IL15: variants seen among roughly 807,000 people sequenced by gnomAD.
The protein encoded by IL15 is interleukin-15.
Under a neutral mutation model 19.6 loss-of-function variants are expected in IL15, and 11 were observed. The observed-to-expected ratio is 0.56, with a 90% CI of 0.35 to 0.93. IL15 has a LOEUF of 0.93. Ranked by LOEUF, IL15 falls within the 40% of genes least tolerant of loss-of-function variation. The probability of loss-of-function intolerance (pLI) is 0.01; values close to 1 mark genes in which losing one functional copy is unlikely to be tolerated. For synonymous variants in IL15, 58 were observed against 59.6 expected, an observed-to-expected ratio of 0.97 and a Z score of 0.12; for missense variants, 197 against 186.5, an observed-to-expected ratio of 1.06 and a Z score of -0.33.
At chr4:141,645,828 T>G (rs1316911725) in intron 1 of IL15, among the ~76,000 whole-genome samples, 1 of 152,080 alleles carries the variant, frequency 6.6e-6, no homozygotes, top group Non-Finnish European at 1.5e-5. Context: ...TTCTGGCTGT[T>G]GTCTGGGCTC....
At chr4:141,690,704 C>G (rs566542310) in intron 2 of IL15, among the ~76,000 whole-genome samples, 6 of 152,204 alleles carry the variant, frequency 3.9e-5, no homozygotes, top group Non-Finnish European at 5.9e-5. Flanking sequence ...CAAATTCGAT[C>G]ATGCCATTAC....
intron 1 of IL15, chr4:141,637,210 G>A (rs1206502479): frequency 6.6e-6 from 1 of 152,344 alleles, no homozygotes; most frequent in South Asian, 2.1e-4. Flanking sequence ...TCAAGCTCAG[G>A]AAGGCCAAGA....
At chr4:141,686,936 G>A (rs892137406) in intron 2 of IL15, among the ~76,000 whole-genome samples, 4 of 152,074 alleles carry the variant, frequency 2.6e-5, no homozygotes, top group African/African-American at 9.7e-5. Flanking sequence ...TTTCTATAAA[G>A]AGAATAGAAA....
At chr4:141,666,548 T>C (rs1727993169) in intron 2 of IL15, among the ~76,000 whole-genome samples, 1 of 151,976 alleles carries the variant, frequency 6.6e-6, no homozygotes, top group Non-Finnish European at 1.5e-5. Flanking sequence ...TGTAAAGATT[T>C]AGTTTCACCA....
chr4:141,650,745 A>AT (rs1373377162), intron 1 of IL15, among the ~76,000 whole-genome samples: 5 of 152,000 alleles, frequency 3.3e-5, no homozygotes, highest in African/African-American at 4.8e-5. Flanking sequence ...ATATGCTGAG[A>AT]TTTTCAACCT....
At chr4:141,674,600 A>C (rs1384670321) in intron 2 of IL15, among the ~76,000 whole-genome samples, 3 of 152,140 alleles carry the variant, frequency 2.0e-5, no homozygotes, top group African/African-American at 7.2e-5. Context: ...AATAAAAAAA[A>C]AAGAAATAAA....
At chr4:141,701,867 G>T (rs576620505) in intron 2 of IL15, among the ~76,000 whole-genome samples, 1 of 152,310 alleles carries the variant, frequency 6.6e-6, no homozygotes, top group East Asian at 1.9e-4. Context: ...CTCTTTTCAT[G>T]TGTAGGAATG....
At chr4:141,705,191 T>G (rs755109407) in intron 2 of IL15, among the ~76,000 whole-genome samples, 6 of 151,926 alleles carry the variant, frequency 3.9e-5, no homozygotes, top group African/African-American at 9.7e-5. Flanking sequence ...TAGAAATCTT[T>G]CTTCTTTTTT....
At chr4:141,732,512 G>C (rs1730482922) in intron 7 of IL15, among the ~76,000 whole-genome samples, 1 of 152,168 alleles carries the variant, frequency 6.6e-6, no homozygotes, top group Non-Finnish European at 1.5e-5. Flanking sequence ...GATAGACACA[G>C]CTTATTTTTC....
chr4:141,729,790 A>G, intron 6 of IL15, 57 bp from the exon 7 acceptor site: 1 of 916,286 alleles, frequency 1.1e-6, no homozygotes, highest in Non-Finnish European at 1.7e-6. Flanking sequence ...AAATTACATC[A>G]GTATGAAAAT....
chr4:141,707,261 T>A (rs1729548748), intron 2 of IL15, among the ~76,000 whole-genome samples: 1 of 152,124 alleles, frequency 6.6e-6, no homozygotes, highest in African/African-American at 2.4e-5. Flanking sequence ...TTCTGTTTGG[T>A]TCTTTTAAAA....
intron 1 of IL15, among the ~76,000 whole-genome samples, chr4:141,650,818 C>T (rs1397856863): frequency 2.6e-5 from 4 of 151,844 alleles, no homozygotes; most frequent in Non-Finnish European, 4.4e-5. Context: ...GTCTAATCTC[C>T]GTATTTTAAA....
At chr4:141,670,002 T>G (rs1029753501) in intron 2 of IL15, among the ~76,000 whole-genome samples, 2 of 151,640 alleles carry the variant, frequency 1.3e-5, no homozygotes, top group African/African-American at 4.8e-5. Flanking sequence ...TATATAAATA[T>G]TTACATTGAA....
chr4:141,663,908 T>G (rs1012163446), intron 2 of IL15, among the ~76,000 whole-genome samples: 1 of 152,156 alleles, frequency 6.6e-6, no homozygotes, highest in Non-Finnish European at 1.5e-5. Context: ...AACTTGCTTC[T>G]GAGACTGCTT....
chr4:141,731,846 G>T (rs1730463023), intron 7 of IL15, among the ~76,000 whole-genome samples: 1 of 152,160 alleles, frequency 6.6e-6, no homozygotes, highest in Non-Finnish European at 1.5e-5. Flanking sequence ...AGCCTTCATG[G>T]TTCAGATGAT....
chr4:141,733,096 C>T lies in IL15; in HGVS notation c.*248C>T. 1 of 354,410 alleles carries T rather than the reference C, an allele frequency of 2.8e-6. No individual in the cohort carries two copies. Among genetic ancestry groups the T allele is most frequent in the Non-Finnish European group, 4.7e-6 (1 of 212,176 alleles). 22.0% of individuals were successfully genotyped at this position (354,410 alleles called of 1,614,324 possible). A position where few individuals can be genotyped will look rare whatever the true frequency, so the allele number is the denominator to read the frequency against. ...TTTTTAATTTATTATTGAAATTGTACATATTTGTGGAATAATGTAAAATGT... is the reference window on the plus strand; with the variant it reads ...TTTTTAATTTATTATTGAAATTGTATATATTTGTGGAATAATGTAAAATGT... On this transcript the variant is annotated 3_prime_UTR_variant, in exon 8 of 8. Transcript: ENST00000320650.
At chr4:141,714,781 T>C (rs1243824011) in intron 2 of IL15, 1 of 152,248 alleles carries the variant, frequency 6.6e-6, no homozygotes, top group Non-Finnish European at 1.5e-5. Flanking sequence ...TCCTGGTCCT[T>C]CTTTTATAAT....
At chr4:141,651,873 C>T (rs541343757) in intron 1 of IL15, among the ~76,000 whole-genome samples, 1 of 152,208 alleles carries the variant, frequency 6.6e-6, no homozygotes, top group African/African-American at 2.4e-5. Flanking sequence ...ACCCCTTCAT[C>T]TTTCACTCTG....
chr4:141,667,619 G>T (rs889059493), intron 2 of IL15, among the ~76,000 whole-genome samples: 1 of 152,038 alleles, frequency 6.6e-6, no homozygotes, highest in Non-Finnish European at 1.5e-5. Flanking sequence ...GTCTTGTCTG[G>T]CCAGCAAGAT....
Sources: gnomAD v4.1 joint callset for allele counts (sites outside exome capture counted in the v4.1 genomes callset) on GRCh38, gnomAD v4.1.1 for gene constraint, MANE v1.5 for transcripts, NCBI Gene and HGNC (gene_info 2026-07-23, HGNC 2026-07-21) for gene names.